Variants in SH3BP2 observed in about 807,000 individuals in gnomAD.
The protein encoded by SH3BP2 is SH3 domain-binding protein 2.
In SH3BP2, 38 loss-of-function variants were observed where a neutral mutation model predicts 56.2. The observed-to-expected ratio is 0.68, with a 90% CI of 0.52 to 0.89. SH3BP2 has a LOEUF of 0.89. SH3BP2 is among the 40% of genes least tolerant of loss of function. The pLI is 0.00. For synonymous variants in SH3BP2, 346 were observed against 316.7 expected (o/e 1.09, Z -0.98); for missense variants, 748 against 762.6 (o/e 0.98, Z 0.23).
In SH3BP2 at chr4:2,839,365, T is replaced by G. The variant is rs1725342588; in HGVS notation, c.*5531T>G. ...TTGTATTTTTAAGTAGAGACGGGTT[T>G]CATCATGTTATGCAGGCTGCTCTCA... On this transcript the variant is annotated 3_prime_UTR_variant, in exon 13 of 13. Transcript: ENST00000503393. The G allele has an allele frequency of 6.6e-6, 1 of 152,130 alleles. No individual in the cohort carries two copies. Among genetic ancestry groups the G allele is most frequent in the Non-Finnish European group, 1.5e-5 (1 of 68,028 alleles). The allele number at this position is 152,130 out of a possible 1,614,324, so 9.4% of individuals were successfully genotyped here.
At chr4:2,814,601 T>C (rs754256158) in intron 1 of SH3BP2, among the ~76,000 whole-genome samples, 13 of 152,210 alleles carry the variant, frequency 8.5e-5, no homozygotes, top group Non-Finnish European at 1.5e-4. Context: ...GAAGGGCTCA[T>C]GGAGCCCAGC....
chr4:2,818,080 C>A, intron 1 of SH3BP2: 1 of 357,344 alleles, frequency 2.8e-6, no homozygotes, highest in Non-Finnish European at 3.9e-6. Flanking sequence ...GAAACTGAGG[C>A]CCGCAGGGGG....
At chr4:2,827,713 T>C in intron 7 of SH3BP2, 39 bp downstream of exon 7, 2 of 1,476,734 alleles carry the variant, frequency 1.4e-6, no homozygotes, top group Non-Finnish European at 1.9e-6. Context: ...TCTGGGTGTG[T>C]AGGAAGCAGG....
intron 11 of SH3BP2, 137 bp downstream of exon 11, chr4:2,832,549 C>T (rs1016021212): frequency 1.7e-5 from 13 of 744,370 alleles, no homozygotes; most frequent in Middle Eastern, 3.5e-4. Flanking sequence ...AATTCTCTTC[C>T]CAGCAGCACC....
chr4:2,813,904 T>C (rs1723876116), intron 1 of SH3BP2, among the ~76,000 whole-genome samples: 1 of 152,154 alleles, frequency 6.6e-6, no homozygotes, highest in Non-Finnish European at 1.5e-5. Flanking sequence ...TATATGAGCG[T>C]GTGAATAAAG....
intron 12 of SH3BP2, 119 bp downstream of exon 12, chr4:2,833,168 C>T (rs904237426): frequency 3.3e-5 from 29 of 876,214 alleles, no homozygotes; most frequent in East Asian, 9.9e-5. Flanking sequence ...TCCAGGATAC[C>T]GCCCTCCCCT....
intron 3 of SH3BP2, chr4:2,823,708 A>G: frequency 2.8e-6 from 1 of 352,154 alleles, no homozygotes; most frequent in South Asian, 2.1e-5. Flanking sequence ...TGCACCCCAC[A>G]GCATTTATCT....
chr4:2,815,812 G>T (rs781032924), intron 1 of SH3BP2, among the ~76,000 whole-genome samples: 6 of 152,174 alleles, frequency 3.9e-5, no homozygotes, highest in Non-Finnish European at 8.8e-5. Context: ...CCTGGGCTGG[G>T]TCTGAGCTGG....
rs1005431826 is a variant in SH3BP2, at chr4:2,833,989, T to C, written c.*155T>C. 2.2e-6 allele frequency: 2 copies of C among 918,312 alleles called. No homozygotes were observed. The allele number at this position is 918,312 out of a possible 1,614,324, so 56.9% of individuals were successfully genotyped here. ...GACATCTCGTAGGACCCAGCCAGTC[T>C]CATCCAGCAGGTTGGGTTCTAGGGC... On this transcript the variant is annotated 3_prime_UTR_variant, in exon 13 of 13. Transcript: ENST00000503393.
intron 11 of SH3BP2, 122 bp from the exon 12 acceptor site, chr4:2,832,867 GC>G (rs531262954): frequency 2.8e-5 from 27 of 970,188 alleles, no homozygotes; most frequent in Non-Finnish European, 3.8e-5. Flanking sequence ...GTCCCTCCCC[GC>G]CCCCCGAGGG....
At chr4:2,830,943 C>T (rs1173322781) in intron 8 of SH3BP2, among the ~76,000 whole-genome samples, 1 of 152,254 alleles carries the variant, frequency 6.6e-6, no homozygotes, top group Non-Finnish European at 1.5e-5. Context: ...TGCCTCTGAG[C>T]AGCCCTTGTC....
rs976761301 is a variant in SH3BP2 at position 2,837,120 on chromosome 4, A to G, written c.*3286A>G. 6.6e-6 allele frequency: 1 copy of G among 151,810 alleles called. No individual in the cohort carries two copies. The highest frequency in any genetic ancestry group is 2.4e-5 in the African/African-American group (1 of 41,288). The allele number at this position is 151,810 out of a possible 1,614,324, so 9.4% of individuals were successfully genotyped here. A position where few individuals can be genotyped will look rare whatever the true frequency, so the allele number is the denominator to read the frequency against. ...GAGTGGATTGGCGTGATCTCGGCTCAATGCAAATCTCCAGGGTTCAATCGA... is the reference window on the plus strand; with the variant it reads ...GAGTGGATTGGCGTGATCTCGGCTCGATGCAAATCTCCAGGGTTCAATCGA... On this transcript the variant is annotated 3_prime_UTR_variant, in exon 13 of 13. Transcript: ENST00000503393.
At chr4:2,817,507 G>C (rs1306053449) in intron 1 of SH3BP2, among the ~76,000 whole-genome samples, 23 of 152,200 alleles carry the variant, frequency 1.5e-4, no homozygotes, top group Non-Finnish European at 8.8e-5. Flanking sequence ...AGCTAGGTAG[G>C]GTCAGGCCCA....
At chr4:2,800,010 C>A (rs1302245762) in intron 1 of SH3BP2, among the ~76,000 whole-genome samples, 1 of 151,954 alleles carries the variant, frequency 6.6e-6, no homozygotes, top group Non-Finnish European at 1.5e-5. Context: ...GCAGTGGCCA[C>A]AAGAAGACCA....
rs144396588 is a variant in SH3BP2, at chr4:2,832,343, T to A, written c.1419T>A (p.Ala473=). 1.9e-6 allele frequency: 3 copies of A among 1,614,036 alleles called. No homozygotes were observed. The highest frequency in any genetic ancestry group is 1.7e-6 in the Non-Finnish European group (2 of 1,179,922). ...ESCEVERLFK[A]TSPRGEPQDG... Reference sequence around the variant, plus strand: ...TGTCTTATTTTAGGTTGTTCAAGGCTACAAGCCCCCGGGGAGAGCCCCAGG... The same window carrying A: ...TGTCTTATTTTAGGTTGTTCAAGGCAACAAGCCCCCGGGGAGAGCCCCAGG... Residue 473 remains alanine (A), a synonymous_variant, in exon 11 of 13, where the codon GCT becomes GCA. Transcript: ENST00000503393.
At chr4:2,806,647 G>T (rs1001663445) in intron 1 of SH3BP2, among the ~76,000 whole-genome samples, 2 of 151,858 alleles carry the variant, frequency 1.3e-5, no homozygotes, top group African/African-American at 4.8e-5. Flanking sequence ...ACCACCCTCG[G>T]CCTGGAAGCC....
chr4:2,836,243 C>T lies in SH3BP2; in HGVS notation c.*2409C>T, dbSNP rs1457054174. 6.6e-6 allele frequency: 1 copy of T among 152,272 alleles called. No individual in the cohort carries two copies. Among genetic ancestry groups the T allele is most frequent in the Non-Finnish European group, 1.5e-5 (1 of 68,112 alleles). The allele number at this position is 152,272 out of a possible 1,614,324, so 9.4% of individuals were successfully genotyped here. Reference sequence around the variant, plus strand: ...TGTGTGAGCTGCTCTAGGCCGAGGGCCTCAGTTTCAAGAGTGTGTTGGGGT... The same window carrying T: ...TGTGTGAGCTGCTCTAGGCCGAGGGTCTCAGTTTCAAGAGTGTGTTGGGGT... On this transcript the variant is annotated 3_prime_UTR_variant, in exon 13 of 13. Transcript: ENST00000503393.
At chr4:2,811,208 C>T (rs1056686822) in intron 1 of SH3BP2, among the ~76,000 whole-genome samples, 5 of 152,288 alleles carry the variant, frequency 3.3e-5, no homozygotes, top group African/African-American at 9.6e-5. Context: ...TTGAGTGACC[C>T]GACACCTAGG....
In SH3BP2 at chr4:2,838,270, CCT is replaced by C; in HGVS notation, c.*4441_*4442del. 6.6e-6 allele frequency: 1 copy of C among 152,254 alleles called. No individual in the cohort carries two copies. The highest frequency in any genetic ancestry group is 1.9e-4 in the East Asian group (1 of 5,202). 9.4% of individuals were successfully genotyped at this position (152,254 alleles called of 1,614,324 possible). On this transcript the variant is annotated 3_prime_UTR_variant, in exon 13 of 13. Transcript: ENST00000503393. ...CCTCCCCTCACAGTGTCACTTCCGG[CCT>C]CTCTGCCCTGGCTTATGTGAGTCTT...
Sources: allele counts gnomAD v4.1 joint callset (sites outside exome capture counted in the v4.1 genomes callset), GRCh38; gene constraint gnomAD v4.1.1; transcripts MANE v1.5; gene names NCBI Gene and HGNC (gene_info 2026-07-23, HGNC 2026-07-21).